The following BRIP1 variants were observed in gnomAD, a reference collection of about 807,000 sequenced individuals.
The protein encoded by BRIP1 is Fanconi anemia group J protein.
In BRIP1, 88 loss-of-function variants were observed where a neutral mutation model predicts 119.7. The ratio of observed to expected loss-of-function variants is 0.74; its 90% CI spans 0.62 to 0.88. The LOEUF (loss-of-function observed/expected upper bound fraction) is 0.88, where lower values mean the gene tolerates loss of function less well. BRIP1 is among the 40% of genes least tolerant of loss of function. The pLI, the probability that BRIP1 is intolerant of heterozygous loss-of-function variation, is 0.00. For missense variants in BRIP1, 1,259 were observed against 1,455.4 expected (o/e 0.87, Z 2.20); for synonymous variants, 443 against 496.5 (o/e 0.89, Z 1.43).
Position 61,848,828 on chromosome 17 carries a change from G to A in BRIP1, c.507+301C>T, listed in dbSNP as rs1306158914. On this transcript the variant is annotated intron_variant, in intron 5 of 19. Coordinates refer to ENST00000259008, the MANE Select transcript of BRIP1 (RefSeq NM_032043.3). This position sits in a 1 kb window ranked among gnomAD's most constrained non-coding sequence, Gnocchi z 4.3. The stretch of plus-strand genomic sequence containing the variant: ...ATTTTAAGATAAAAACAATGGAGGA[G>A]TTAAAAAGTACAAAGTAGTATATCA... Among the ~76,000 whole-genome samples, 1 of 152,144 alleles carries A rather than the reference G, an allele frequency of 6.6e-6. No individual in the cohort carries two copies. The highest frequency in any genetic ancestry group is 3.2e-3 in the Middle Eastern group (1 of 316).
At chr17:61,688,540 G>C (rs1302502316) in intron 18 of BRIP1, among the ~76,000 whole-genome samples, 2 of 151,978 alleles carry the variant, frequency 1.3e-5, no homozygotes, top group Non-Finnish European at 2.9e-5. Context: ...GTCCAAAGAA[G>C]ACAGATCCAC....
At chr17:61,747,889 C>T (rs936483823) in intron 14 of BRIP1, among the ~76,000 whole-genome samples, 1 of 150,518 alleles carries the variant, frequency 6.6e-6, no homozygotes, top group African/African-American at 2.4e-5. Context: ...GCATGAGCCA[C>T]CATGCCCTGG....
intron 16 of BRIP1, among the ~76,000 whole-genome samples, chr17:61,727,790 C>CTCTA (rs1399870939): frequency 7.6e-6 from 1 of 131,234 alleles, no homozygotes; most frequent in African/African-American, 2.8e-5. Context: ...CTCTCTCTCT[C>CTCTA]TATATATATA....
chr17:61,777,113 T>C (rs2145040948), intron 13 of BRIP1, among the ~76,000 whole-genome samples: 1 of 152,322 alleles, frequency 6.6e-6, no homozygotes, highest in South Asian at 2.1e-4. Flanking sequence ...ACGAAAATTT[T>C]GCAAAATGTT....
chr17:61,819,260 AC>A (rs1243851839), intron 6 of BRIP1, among the ~76,000 whole-genome samples: 14 of 152,120 alleles, frequency 9.2e-5, no homozygotes, highest in Non-Finnish European at 1.0e-4. Context: ...AGAAAAGGGA[AC>A]CCTCATACAC....
intron 6 of BRIP1, among the ~76,000 whole-genome samples, chr17:61,830,276 C>T (rs1603354226): frequency 8.0e-6 from 1 of 125,328 alleles, no homozygotes; most frequent in South Asian, 2.6e-4. Context: ...AAATTACATC[C>T]AAAGAAAGTA....
At chr17:61,782,279 G>A (rs1240806486) in intron 11 of BRIP1, among the ~76,000 whole-genome samples, 6 of 149,880 alleles carry the variant, frequency 4.0e-5, no homozygotes, top group South Asian at 4.2e-4. Context: ...CCAGCTACTC[G>A]GGAGGCTGAG....
In BRIP1 at chr17:61,805,988, A is replaced by C. The variant is rs573489745; in HGVS notation, c.918+2479T>G. On this transcript the variant is annotated intron_variant, in intron 7 of 19. Transcript: ENST00000259008. This position sits in a 1 kb window ranked among gnomAD's most constrained non-coding sequence, Gnocchi z 5.6. The stretch of plus-strand genomic sequence containing the variant: ...TAACTGAAACAAAAATTAACTTTTA[A>C]CAGATAAGTGCATACTTTTCCAGTA... Among the ~76,000 whole-genome samples, 139 of 152,358 alleles carry C rather than the reference A, an allele frequency of 9.1e-4. No homozygotes were observed. The highest frequency in any genetic ancestry group is 1.4e-3 in the Non-Finnish European group (93 of 68,030).
In BRIP1 at chr17:61,846,230, G is replaced by GAGAGAGAGAGAGAAAA. The variant is rs891782158; in HGVS notation, c.627+855_627+870dup. On this transcript the variant is annotated intron_variant, in intron 6 of 19. Coordinates refer to ENST00000259008, the MANE Select transcript of BRIP1 (RefSeq NM_032043.3). The surrounding 1 kb of genome is among the most constrained non-coding windows in gnomAD (Gnocchi z 4.3). ...ATTTAAAAAATTATATACATATAGA[G>GAGAGAGAGAGAGAAAA]AGAGAGAGAGAGAAAAAGAGAGAGA... 8.0e-6 allele frequency among the ~76,000 whole-genome samples: 1 copy of GAGAGAGAGAGAGAAAA among 124,826 alleles called. No homozygotes were observed. The highest frequency in any genetic ancestry group is 1.5e-5 in the Non-Finnish European group (1 of 67,556). 81.9% of individuals were successfully genotyped at this position (124,826 alleles called of 152,430 possible).
In BRIP1 at chr17:61,842,432, AAG is replaced by A. The variant is rs375907823; in HGVS notation, c.627+4667_627+4668del. ...TTCTTACATATTTTCAAAAAGCTGT[AAG>A]AGAGAATTCTGAATATTCGCAACAC... On this transcript the variant is annotated intron_variant, in intron 6 of 19. Coordinates refer to ENST00000259008, the MANE Select transcript of BRIP1 (RefSeq NM_032043.3). The surrounding 1 kb of genome is among the most constrained non-coding windows in gnomAD (Gnocchi z 5.1). Among the ~76,000 whole-genome samples, 69 of 152,332 alleles carry A rather than the reference AAG, an allele frequency of 4.5e-4. No individual in the cohort carries two copies. Among genetic ancestry groups the A allele is most frequent in the African/African-American group, 1.0e-3 (43 of 41,574 alleles).
rs1361510103 is a variant in BRIP1 at position 61,709,411 on chromosome 17, T to C, written c.2492+6540A>G. 1.3e-5 allele frequency among the ~76,000 whole-genome samples: 2 copies of C among 152,056 alleles called. No individual in the cohort carries two copies. The highest frequency in any genetic ancestry group is 4.8e-5 in the African/African-American group (2 of 41,398). ...AATTTTTCTACAAAGACAAAAAAAA[T>C]CTAAATTTTATAGGGCATTATTTTT... On this transcript the variant is annotated intron_variant, in intron 17 of 19. Transcript: ENST00000259008. This position sits in a 1 kb window ranked among gnomAD's most constrained non-coding sequence, Gnocchi z 5.0.
chr17:61,801,346 G>A lies in BRIP1; in HGVS notation c.1047C>T (p.Ala349=), dbSNP rs763189201. Residue 349 remains alanine (A), a synonymous_variant, in exon 8 of 20, where the codon GCC becomes GCT. Coordinates refer to ENST00000259008, the MANE Select transcript of BRIP1 (RefSeq NM_032043.3). ...ELVSLGKKLK[A]CPYYTARELI... ...GTTCTCGGGCTGTGTAATATGGACA[G>A]GCCTTTAGTTTCTTCCCCAGGCTGA... 1 of 1,613,988 alleles carries A rather than the reference G, an allele frequency of 6.2e-7. No individual in the cohort carries two copies. The highest frequency in any genetic ancestry group is 1.1e-5 in the South Asian group (1 of 91,068).
chr17:61,689,875 G>A lies in BRIP1; in HGVS notation c.2575+3555C>T, dbSNP rs1236807672. Among the ~76,000 whole-genome samples the A allele has an allele frequency of 6.6e-6, 1 of 152,136 alleles. No homozygotes were observed. The highest frequency in any genetic ancestry group is 2.4e-5 in the African/African-American group (1 of 41,416). ...AAAAAATTAAAAATTAGCCAGGTCT[G>A]GTGGTGCATGCCTGTAGTCCCAGCT... On this transcript the variant is annotated intron_variant, in intron 18 of 19. Transcript: ENST00000259008. The surrounding 1 kb of genome is among the most constrained non-coding windows in gnomAD (Gnocchi z 4.5).
chr17:61,757,973 A>C lies in BRIP1; in HGVS notation c.2098-13382T>G, dbSNP rs1183913501. 6.6e-6 allele frequency among the ~76,000 whole-genome samples: 1 copy of C among 152,004 alleles called. No homozygotes were observed. Among genetic ancestry groups the C allele is most frequent in the Non-Finnish European group, 1.5e-5 (1 of 67,982 alleles). The stretch of plus-strand genomic sequence containing the variant: ...TGTACCACCACATTCTAGCCTGGGC[A>C]ACAGAATGAGACACTGTCTTGAAAA... On this transcript the variant is annotated intron_variant, in intron 14 of 19. Transcript: ENST00000259008. The surrounding 1 kb of genome is among the most constrained non-coding windows in gnomAD (Gnocchi z 4.3).
chr17:61,679,203 G>A lies in BRIP1; in HGVS notation c.*4093C>T, dbSNP rs2061247764. Among the ~76,000 whole-genome samples the A allele has an allele frequency of 6.6e-6, 1 of 152,044 alleles. No individual in the cohort carries two copies. Among genetic ancestry groups the A allele is most frequent in the Non-Finnish European group, 1.5e-5 (1 of 68,000 alleles). On this transcript the variant is annotated 3_prime_UTR_variant, in exon 20 of 20. Coordinates refer to ENST00000259008, the MANE Select transcript of BRIP1 (RefSeq NM_032043.3). The surrounding 1 kb of genome is among the most constrained non-coding windows in gnomAD (Gnocchi z 4.4). ...AAGTCCAGTTGCAGAAAAATAACGG[G>A]GAAAAGCTTTTTGTTAAAATTAATG... is the stretch of plus-strand genomic sequence containing the variant.
chr17:61,699,994 C>T lies in BRIP1; in HGVS notation c.2493-6482G>A, dbSNP rs2061588377. 1.3e-5 allele frequency among the ~76,000 whole-genome samples: 2 copies of T among 152,110 alleles called. No individual in the cohort carries two copies. Among genetic ancestry groups the T allele is most frequent in the South Asian group, 2.1e-4 (1 of 4,826 alleles). On this transcript the variant is annotated intron_variant, in intron 17 of 19. Transcript: ENST00000259008. This position sits in a 1 kb window ranked among gnomAD's most constrained non-coding sequence, Gnocchi z 4.8. Reference sequence around the variant, plus strand: ...AGGACACTTGGAAGCTTAAGACTGGCTCCCTAGACTTTGTCCCATGCACAT... The same window carrying T: ...AGGACACTTGGAAGCTTAAGACTGGTTCCCTAGACTTTGTCCCATGCACAT...
At position 61,824,381 on chromosome 17, in the gene BRIP1, T is replaced by C. The variant is rs149602262; in HGVS notation, c.628-15624A>G. Among the ~76,000 whole-genome samples the C allele has an allele frequency of 1.3e-3, 200 of 152,282 alleles. 1 individual carries two copies. In the East Asian group the frequency reaches 0.036, roughly 28 times the overall value. ...CAATAATCTTGAAAAAGAACAAAAC[T>C]GGAGGTCTCACATTTTCTGATTTCT... On this transcript the variant is annotated intron_variant, in intron 6 of 19. Coordinates refer to ENST00000259008, the MANE Select transcript of BRIP1 (RefSeq NM_032043.3). This position sits in a 1 kb window ranked among gnomAD's most constrained non-coding sequence, Gnocchi z 4.3.
intron 6 of BRIP1, among the ~76,000 whole-genome samples, chr17:61,840,376 G>T (rs998782283): frequency 9.1e-6 from 1 of 110,492 alleles, no homozygotes; most frequent in South Asian, 3.0e-4. Context: ...AAAAAAAAAA[G>T]AAAAGGAATT....
rs1383361356 is a variant in BRIP1, at chr17:61,768,481, C to A, written c.2097+7920G>T. ...CAATAAGAGTTAGTCTCCATCCATT[C>A]GTGTGTTTATTCATCAAGCATTTAT... On this transcript the variant is annotated intron_variant, in intron 14 of 19. Transcript: ENST00000259008. The surrounding 1 kb of genome is among the most constrained non-coding windows in gnomAD (Gnocchi z 5.0). Among the ~76,000 whole-genome samples the A allele has an allele frequency of 2.6e-5, 4 of 152,158 alleles. No individual in the cohort carries two copies. The highest frequency in any genetic ancestry group is 1.3e-4 in the Admixed American group (2 of 15,278).
Sources: gnomAD v4.1 joint callset for allele counts (sites outside exome capture counted in the v4.1 genomes callset) on GRCh38, gnomAD v4.1.1 for gene constraint, Gnocchi (gnomAD v3.1) non-coding constraint, MANE v1.5 for transcripts, NCBI Gene and HGNC (gene_info 2026-07-23, HGNC 2026-07-21) for gene names.